The following SETD1A variants were observed in gnomAD, a reference collection of about 807,000 sequenced individuals.
SETD1A encodes histone-lysine N-methyltransferase SETD1A.
SETD1A carries 29 observed loss-of-function variants against 149.9 expected under a neutral mutation model. The ratio of observed to expected loss-of-function variants is 0.19; its 90% CI spans 0.14 to 0.26. SETD1A has a LOEUF of 0.26. SETD1A is among the 10% of genes least tolerant of loss of function. SETD1A has a pLI of 1.00. For synonymous variants in SETD1A, 1,141 were observed against 968.5 expected (o/e 1.18, Z -3.31); for missense variants, 2,109 against 2,353.1 (o/e 0.90, Z 2.15).
chr16:30,972,408 G>A (rs2056236175), intron 13 of SETD1A, among the ~76,000 whole-genome samples: 1 of 151,594 alleles, frequency 6.6e-6, no homozygotes, highest in Non-Finnish European at 1.5e-5. Flanking sequence ...AGGCCAAGGC[G>A]GGTGGATCAT....
Position 30,965,284 on chromosome 16 carries a change from A to G in SETD1A, c.1542A>G (p.Glu514=), listed in dbSNP as rs981203426. The G allele has an allele frequency of 1.2e-6, 2 of 1,614,234 alleles. No individual in the cohort carries two copies. The highest frequency in any genetic ancestry group is 2.2e-5 in the East Asian group (1 of 44,886). The change falls in exon 7 of 19, where the codon GAA becomes GAG. Residue 514 remains glutamate, a synonymous_variant. Coordinates refer to ENST00000262519, the MANE Select transcript of SETD1A (RefSeq NM_014712.3). ...SFLASDTEEE[E]ENSSMVLGAR... The stretch of plus-strand genomic sequence containing the variant: ...TGGCCTCTGACACAGAGGAGGAGGA[A>G]GAGAACAGCAGCATGGTCCTTGGGG...
Position 30,980,169 on chromosome 16 carries a change from C to T in SETD1A, c.4383C>T (p.Asn1461=), listed in dbSNP as rs368388561. 3.3e-5 allele frequency: 53 copies of T among 1,609,966 alleles called. No individual in the cohort carries two copies. Among genetic ancestry groups the T allele is most frequent in the Middle Eastern group, 1.6e-4 (1 of 6,064 alleles). Residue 1461 remains asparagine (N), a synonymous_variant, in exon 14 of 19, where the codon AAC becomes AAT. Transcript: ENST00000262519. This position sits in a 1 kb window ranked among gnomAD's most constrained non-coding sequence, Gnocchi z 7.7. ...AGACAAGCGGGGCTGACTGGCTCAA[C>T]GACACTCACTGGGTCCATCACACAA... ...LQQTSGADWL[N]DTHWVHHTIT... is the part of the protein sequence containing the mutation.
chr16:30,979,323 G>A lies in SETD1A; in HGVS notation c.3537G>A (p.Pro1179=), dbSNP rs200527523. The change falls in exon 14 of 19, where the codon CCG becomes CCA. Residue 1179 remains proline (P), a synonymous_variant. Transcript: ENST00000262519. ...CTGCCATCGAGGTGGTGCCAGCCCCGGAGCCCCCTCCAGCCACACCGCCGC... is the reference window on the plus strand; with the variant it reads ...CTGCCATCGAGGTGGTGCCAGCCCCAGAGCCCCCTCCAGCCACACCGCCGC... ...SFSAIEVVPA[P]EPPPATPPQA... is the part of the protein sequence containing the mutation. 1.3e-5 allele frequency: 20 copies of A among 1,584,610 alleles called. No homozygotes were observed. Among genetic ancestry groups the A allele is most frequent in the East Asian group, 7.0e-5 (3 of 42,872 alleles).
At position 30,965,315 on chromosome 16, in the gene SETD1A, G is replaced by A. The variant is rs752277755; in HGVS notation, c.1573G>A (p.Asp525Asn). 3 of 1,614,246 alleles carry A rather than the reference G, an allele frequency of 1.9e-6. No individual in the cohort carries two copies. In the South Asian group the frequency reaches 3.3e-5, roughly 18 times the overall value. ...CAGCAGCATGGTCCTTGGGGCCAGAGATACAGGGAGTGAGGTGCCTTCTGG... is the reference window on the plus strand; with the variant it reads ...CAGCAGCATGGTCCTTGGGGCCAGAAATACAGGGAGTGAGGTGCCTTCTGG... ...ENSSMVLGAR[D>N]TGSEVPSGSG... The change falls in exon 7 of 19, where the codon GAT becomes AAT. Residue 525 changes from aspartate to asparagine, a missense_variant. By Grantham distance (23) the Asp-to-Asn change is conservative. Coordinates refer to ENST00000262519, the MANE Select transcript of SETD1A (RefSeq NM_014712.3).
chr16:30,965,332 G>A lies in SETD1A; in HGVS notation c.1590G>A (p.Val530=), dbSNP rs1345284728. 1 of 1,614,216 alleles carries A rather than the reference G, an allele frequency of 6.2e-7. No individual in the cohort carries two copies. The highest frequency in any genetic ancestry group is 1.7e-5 in the Admixed American group (1 of 60,030). ...GGGCCAGAGATACAGGGAGTGAGGT[G>A]CCTTCTGGGTCAGGGCATGGGCCCT... ...VLGARDTGSE[V]PSGSGHGPCT... The change falls in exon 7 of 19, where the codon GTG becomes GTA. Residue 530 remains valine (V), a synonymous_variant. Coordinates refer to ENST00000262519, the MANE Select transcript of SETD1A (RefSeq NM_014712.3).
Position 30,980,798 on chromosome 16 carries a change from C to T in SETD1A, c.4641C>T (p.Ile1547=), listed in dbSNP as rs550342767. 1.2e-5 allele frequency: 19 copies of T among 1,568,938 alleles called. No individual in the cohort carries two copies. The highest frequency in any genetic ancestry group is 4.8e-5 in the East Asian group (2 of 41,300). The change falls in exon 16 of 19, where the codon ATC becomes ATT. Residue 1547 remains isoleucine (I), a synonymous_variant. Coordinates refer to ENST00000262519, the MANE Select transcript of SETD1A (RefSeq NM_014712.3). This position sits in a 1 kb window ranked among gnomAD's most constrained non-coding sequence, Gnocchi z 7.7. ...RSEQRRLLSA[I]GTSAIMDSDL... is the part of the protein sequence containing the mutation. Reference sequence around the variant, plus strand: ...AGCAGCGGCGGCTGCTGAGCGCCATCGGTACCTCCGCCATCATGGACAGTG... The same window carrying T: ...AGCAGCGGCGGCTGCTGAGCGCCATTGGTACCTCCGCCATCATGGACAGTG...
At chr16:30,964,589 T>G (rs2056107793) in intron 6 of SETD1A, 23 bp from the exon 7 acceptor site, 1 of 1,602,966 alleles carries the variant, frequency 6.2e-7, no homozygotes, top group Admixed American at 1.7e-5. Flanking sequence ...TGAGTCCAGC[T>G]AACTCCCCTG....
At chr16:30,967,762 A>C (rs2056168125) in intron 10 of SETD1A, among the ~76,000 whole-genome samples, 174 bp downstream of exon 10, 2 of 152,052 alleles carry the variant, frequency 1.3e-5, no homozygotes, top group Non-Finnish European at 2.9e-5. Context: ...TTATCCCCGG[A>C]TTGTAGTTGC....
chr16:30,969,863 T>C lies in SETD1A; in HGVS notation c.3016+174T>C, dbSNP rs564601185. On this transcript the variant is annotated intron_variant, in intron 12 of 18. Coordinates refer to ENST00000262519, the MANE Select transcript of SETD1A (RefSeq NM_014712.3). ...GGAACCCTTGGCCCCTTGACAGCAA[T>C]AAGCTCAGTGCTCAAAATGCTCCCT... Among the ~76,000 whole-genome samples, 3 of 152,304 alleles carry C rather than the reference T, an allele frequency of 2.0e-5. No individual in the cohort carries two copies. In the East Asian group the frequency reaches 5.8e-4, roughly 29 times the overall value.
At chr16:30,979,028 C>A (rs1486854018) in intron 13 of SETD1A, 117 bp from the exon 14 acceptor site, 5 of 1,063,986 alleles carry the variant, frequency 4.7e-6, no homozygotes, top group Non-Finnish European at 5.3e-6. Flanking sequence ...TCTGTGTTCC[C>A]TCCGGGGTTC....
intron 10 of SETD1A, among the ~76,000 whole-genome samples, 192 bp downstream of exon 10, chr16:30,967,780 C>T (rs748031121): frequency 1.3e-5 from 2 of 152,148 alleles, no homozygotes; most frequent in African/African-American, 2.4e-5. Flanking sequence ...TGCAGGTCTT[C>T]CTCTGGTCTG....
rs771777390 is a variant in SETD1A at position 30,965,945 on chromosome 16, T to A, written c.2064T>A (p.Thr688=). The A allele has an allele frequency of 3.1e-6, 5 of 1,608,490 alleles. No individual in the cohort carries two copies. Among genetic ancestry groups the A allele is most frequent in the Middle Eastern group, 1.7e-4 (1 of 6,030 alleles). Residue 688 remains threonine (T), a synonymous_variant, in exon 8 of 19, where the codon ACT becomes ACA. Transcript: ENST00000262519. ...MSFQMQTQML[T]RLHQLRQGKG... ...TCCAGATGCAGACCCAGATGTTAACTCGGCTCCATCAGCTGCGGCAGGGCA... is the reference window on the plus strand; with the variant it reads ...TCCAGATGCAGACCCAGATGTTAACACGGCTCCATCAGCTGCGGCAGGGCA...
At chr16:30,962,984 G>C (rs1356115027) in intron 4 of SETD1A, among the ~76,000 whole-genome samples, 3 of 152,206 alleles carry the variant, frequency 2.0e-5, no homozygotes, top group Non-Finnish European at 4.4e-5. Context: ...TTTCTGAGGT[G>C]TTCACTCCAC....
At chr16:30,969,023 G>A (rs900332610) in intron 10 of SETD1A, among the ~76,000 whole-genome samples, 1 of 152,024 alleles carries the variant, frequency 6.6e-6, no homozygotes. Flanking sequence ...CAGGAGGATC[G>A]CTTGAGCCCA....
Position 30,961,354 on chromosome 16 carries a change from G to A in SETD1A, c.334G>A (p.Asp112Asn). 1 of 1,614,176 alleles carries A rather than the reference G, an allele frequency of 6.2e-7. No homozygotes were observed. Among genetic ancestry groups the A allele is most frequent in the Non-Finnish European group, 8.5e-7 (1 of 1,180,036 alleles). Residue 112 changes from aspartate to asparagine, a missense_variant, in exon 4 of 19, where the codon GAT (aspartate) becomes AAT (asparagine). Physicochemically the swap from Asp to Asn is conservative, Grantham distance 23. Around this residue, in one of 8 missense-constraint regions of SETD1A, gnomAD observed 62 missense variants for 149.5 expected, o/e 0.41. Transcript: ENST00000262519. The surrounding 1 kb of genome is among the most constrained non-coding windows in gnomAD (Gnocchi z 4.0). ...CAACGTGCGGGAGACCTTCCTGAAGGATATGTGCCGTAAGTACGGTGAGGT... is the reference window on the plus strand; with the variant it reads ...CAACGTGCGGGAGACCTTCCTGAAGAATATGTGCCGTAAGTACGGTGAGGT... ...NDNVRETFLK[D>N]MCRKYGEVEE...
In SETD1A at chr16:30,966,123, T is replaced by A; in HGVS notation, c.2242T>A (p.Tyr748Asn). 1 of 1,601,754 alleles carries A rather than the reference T, an allele frequency of 6.2e-7. No individual in the cohort carries two copies. Residue 748 changes from tyrosine to asparagine, a missense_variant, in exon 8 of 19, where the codon TAC becomes AAC. By Grantham distance (143) the Tyr-to-Asn change is moderately radical (BLOSUM62 -2). Around this residue, in one of 8 missense-constraint regions of SETD1A, gnomAD observed 431 missense variants for 388.6 expected, o/e 1.11. Coordinates refer to ENST00000262519, the MANE Select transcript of SETD1A (RefSeq NM_014712.3). ...CAGAGGGGCATACTCACGGGAGGCC[T>A]ACCACCTGCCCATGCCAATGGCAGC... is the stretch of plus-strand genomic sequence containing the variant. ...EGRGAYSREA[Y>N]HLPMPMAAEP...
In SETD1A at chr16:30,961,481, A is replaced by G; in HGVS notation, c.461A>G (p.Asn154Ser). ...CGGGGCGCCAAGGAAACGGTCAAAA[A>G]CCTCCACCTTACCTCCGTCATGGGC... is the stretch of plus-strand genomic sequence containing the variant. Reference protein sequence around the residue: ...STRGAKETVKNLHLTSVMGNI... With the variant: ...STRGAKETVKSLHLTSVMGNI... The change falls in exon 4 of 19, where the codon AAC becomes AGC. Residue 154 changes from asparagine to serine, a missense_variant. Physicochemically the swap from Asn to Ser is conservative, Grantham distance 46 (BLOSUM62 1). Around this residue, in one of 8 missense-constraint regions of SETD1A, gnomAD observed 62 missense variants for 149.5 expected, o/e 0.41. Coordinates refer to ENST00000262519, the MANE Select transcript of SETD1A (RefSeq NM_014712.3). This position sits in a 1 kb window ranked among gnomAD's most constrained non-coding sequence, Gnocchi z 4.0. 1 of 1,613,556 alleles carries G rather than the reference A, an allele frequency of 6.2e-7. No homozygotes were observed. The highest frequency in any genetic ancestry group is 8.5e-7 in the Non-Finnish European group (1 of 1,179,872).
At chr16:30,968,281 T>C (rs199803360) in intron 10 of SETD1A, among the ~76,000 whole-genome samples, 1 of 151,924 alleles carries the variant, frequency 6.6e-6, no homozygotes, top group East Asian at 1.9e-4. Context: ...TGTTCACCTG[T>C]AATCCCAGCT....
At position 30,984,036 on chromosome 16, in the gene SETD1A, TG is replaced by T. The variant is rs760231568; in HGVS notation, c.*16del. On this transcript the variant is annotated 3_prime_UTR_variant, in exon 19 of 19. Transcript: ENST00000262519. Reference sequence around the variant, plus strand: ...CTCCCTAAACTGAGGTGGGGCAGGATGGGTGCCCACACCCCTATTTATTCCC... The same window carrying T: ...CTCCCTAAACTGAGGTGGGGCAGGATGGTGCCCACACCCCTATTTATTCCC... 2.5e-6 allele frequency: 4 copies of T among 1,607,574 alleles called. No homozygotes were observed. The South Asian group carries it at 4.4e-5, about 18-fold the overall frequency.
Sources: allele counts gnomAD v4.1 joint callset (sites outside exome capture counted in the v4.1 genomes callset), GRCh38; gene constraint gnomAD v4.1.1; regional missense constraint gnomAD v4.1.1; non-coding constraint Gnocchi (gnomAD v3.1); transcripts MANE v1.5; gene names NCBI Gene and HGNC (gene_info 2026-07-23, HGNC 2026-07-21).